ITGA11: variants seen among roughly 807,000 people sequenced by gnomAD.
ITGA11 encodes the protein integrin alpha-11.
ITGA11 carries 97 observed loss-of-function variants against 141.9 expected under a neutral mutation model. That is an observed-to-expected ratio of 0.68 (90% CI 0.58 to 0.81). ITGA11 has a LOEUF of 0.81. ITGA11 is among the 30% of genes least tolerant of loss of function. The pLI is 0.00. For synonymous variants in ITGA11, 658 were observed against 624.6 expected, an observed-to-expected ratio of 1.05 and a Z score of -0.80; for missense variants, 1,387 against 1,559.2, an observed-to-expected ratio of 0.89 and a Z score of 1.86.
At chr15:68,319,936 A>G (rs555886876) in intron 20 of ITGA11, among the ~76,000 whole-genome samples, 122 of 148,610 alleles carry the variant, frequency 8.2e-4, no homozygotes, top group Non-Finnish European at 1.2e-3. Flanking sequence ...CTCTCCTGTG[A>G]TTTTTTTTTT....
chr15:68,307,318 C>G lies in ITGA11; in HGVS notation c.3381+30G>C. 1 of 1,502,286 alleles carries G rather than the reference C, an allele frequency of 6.7e-7. No homozygotes were observed. Among genetic ancestry groups the G allele is most frequent in the Non-Finnish European group, 9.1e-7 (1 of 1,102,740 alleles). 93.1% of individuals were successfully genotyped at this position (1,502,286 alleles called of 1,614,324 possible). A position where few individuals can be genotyped will look rare whatever the true frequency, so the allele number is the denominator to read the frequency against. ...CCTTTCCCAAGCTGTCCGGCCTAAG[C>G]CCAGTTCTGCAGGGCTCCCAGGGGC... On this transcript the variant is annotated intron_variant, in intron 28 of 29. Transcript: ENST00000315757. This position sits in a 1 kb window ranked among gnomAD's most constrained non-coding sequence, Gnocchi z 6.1.
rs947899708 is a variant in ITGA11, at chr15:68,321,911, C to CA, written c.2323-409dup. Among the ~76,000 whole-genome samples, 11 of 152,076 alleles carry CA rather than the reference C, an allele frequency of 7.2e-5. No individual in the cohort carries two copies. Among genetic ancestry groups the CA allele is most frequent in the South Asian group, 4.2e-4 (2 of 4,808 alleles). Reference sequence around the variant, plus strand: ...GAACAAATCACTAGTGTAAAATGTGCAAAAAAACCGAAAAGAAATGTGCAT... The same window carrying CA: ...GAACAAATCACTAGTGTAAAATGTGCAAAAAAAACCGAAAAGAAATGTGCAT... On this transcript the variant is annotated intron_variant, in intron 18 of 29. Transcript: ENST00000315757. The surrounding 1 kb of genome is among the most constrained non-coding windows in gnomAD (Gnocchi z 4.9).
chr15:68,406,319 C>T (rs369032255), intron 1 of ITGA11, among the ~76,000 whole-genome samples: 31 of 152,128 alleles, frequency 2.0e-4, no homozygotes, highest in Non-Finnish European at 3.5e-4. Flanking sequence ...ATAATCTCAC[C>T]GCATTCACTC....
chr15:68,355,321 A>G (rs887621063), intron 7 of ITGA11, among the ~76,000 whole-genome samples: 7 of 152,260 alleles, frequency 4.6e-5, no homozygotes, highest in Admixed American at 3.3e-4. Context: ...AAGCTTGAGC[A>G]AGTTTTATCA....
In ITGA11 at chr15:68,303,244, C is replaced by A. The variant is rs915329084; in HGVS notation, c.3496-114G>T. On this transcript the variant is annotated intron_variant, in intron 29 of 29. Transcript: ENST00000315757. This position sits in a 1 kb window ranked among gnomAD's most constrained non-coding sequence, Gnocchi z 5.3. ...TCCTCCCTCAGGGCTTCCTTGAGTA[C>A]CCCCAGCTCATTCTGAGCACCCCCT... 2.2e-5 allele frequency: 19 copies of A among 860,202 alleles called. No homozygotes were observed. The Admixed American group carries it at 3.7e-4, about 17-fold the overall frequency. The allele number at this position is 860,202 out of a possible 1,614,324, so 53.3% of individuals were successfully genotyped here.
intron 6 of ITGA11, among the ~76,000 whole-genome samples, 160 bp downstream of exon 6, chr15:68,358,298 C>G (rs1655687516): frequency 6.6e-6 from 1 of 152,198 alleles, no homozygotes; most frequent in African/African-American, 2.4e-5. Context: ...AGAGGAGTGT[C>G]CTGAGCTGCA....
In ITGA11 at chr15:68,325,893, C is replaced by T. The variant is rs1358629392; in HGVS notation, c.2212-652G>A. Among the ~76,000 whole-genome samples the T allele has an allele frequency of 1.3e-5, 2 of 152,252 alleles. No individual in the cohort carries two copies. The highest frequency in any genetic ancestry group is 3.8e-4 in the East Asian group (2 of 5,202). ...GTCAAACCTGAGCTGGCACCAGAGT[C>T]CCCTGGGAGCTTGTTAAAACACAGG... On this transcript the variant is annotated intron_variant, in intron 17 of 29. Coordinates refer to ENST00000315757, the MANE Select transcript of ITGA11 (RefSeq NM_001004439.2). This position sits in a 1 kb window ranked among gnomAD's most constrained non-coding sequence, Gnocchi z 5.5.
At chr15:68,357,542 T>G (rs973701495) in intron 6 of ITGA11, among the ~76,000 whole-genome samples, 4 of 152,166 alleles carry the variant, frequency 2.6e-5, no homozygotes, top group African/African-American at 9.7e-5. Flanking sequence ...ACTTCGTGAT[T>G]GAAAGAAAGG....
At position 68,302,762 on chromosome 15, in the gene ITGA11, C is replaced by A; in HGVS notation, c.*297G>T. 1 of 353,052 alleles carries A rather than the reference C, an allele frequency of 2.8e-6. No individual in the cohort carries two copies. Among genetic ancestry groups the A allele is most frequent in the Non-Finnish European group, 5.1e-6 (1 of 197,104 alleles). The allele number at this position is 353,052 out of a possible 1,614,324, so 21.9% of individuals were successfully genotyped here. A position where few individuals can be genotyped will look rare whatever the true frequency, so the allele number is the denominator to read the frequency against. Reference sequence around the variant, plus strand: ...ACCTTAGTAGCTGGGGCAGCAAATGCCCTCCACAGAGCCTGAGGGAGGCCT... The same window carrying A: ...ACCTTAGTAGCTGGGGCAGCAAATGACCTCCACAGAGCCTGAGGGAGGCCT... On this transcript the variant is annotated 3_prime_UTR_variant, in exon 30 of 30. Transcript: ENST00000315757.
At chr15:68,314,823 C>T (rs1298363513) in intron 22 of ITGA11, among the ~76,000 whole-genome samples, 2 of 152,148 alleles carry the variant, frequency 1.3e-5, no homozygotes, top group African/African-American at 2.4e-5. Context: ...GAGTCCCCAG[C>T]GCTTATGTGA....
At chr15:68,311,615 G>T (rs1893389449) in intron 24 of ITGA11, among the ~76,000 whole-genome samples, 1 of 152,190 alleles carries the variant, frequency 6.6e-6, no homozygotes, top group Admixed American at 6.5e-5. Flanking sequence ...AGAAAGCCCT[G>T]AGAGGGGATG....
chr15:68,320,290 T>C lies in ITGA11; in HGVS notation c.2511A>G (p.Arg837=). 6.2e-7 allele frequency: 1 copy of C among 1,613,982 alleles called. No homozygotes were observed. Among genetic ancestry groups the C allele is most frequent in the East Asian group, 2.2e-5 (1 of 44,888 alleles). The change falls in exon 20 of 30, where the codon CGA becomes CGG. Residue 837 remains arginine, a synonymous_variant. Coordinates refer to ENST00000315757, the MANE Select transcript of ITGA11 (RefSeq NM_001004439.2). ...TCTCCAGTGTGGCCTCCACCGCCACTCGCTGGCGTGTGCTCTCTATGATGA... is the reference window on the plus strand; with the variant it reads ...TCTCCAGTGTGGCCTCCACCGCCACCCGCTGGCGTGTGCTCTCTATGATGA... ...TVFIIESTRQ[R]VAVEATLENR...
intron 2 of ITGA11, among the ~76,000 whole-genome samples, chr15:68,373,132 C>A (rs1895638662): frequency 6.6e-6 from 1 of 152,110 alleles, no homozygotes; most frequent in African/African-American, 2.4e-5. Context: ...CTTTAAAATC[C>A]AGCATAAATT....
At chr15:68,378,114 A>G (rs1895772811) in intron 2 of ITGA11, among the ~76,000 whole-genome samples, 1 of 152,202 alleles carries the variant, frequency 6.6e-6, no homozygotes, top group Admixed American at 6.5e-5. Flanking sequence ...TCCCCCAATT[A>G]TTGAGAGAGA....
chr15:68,371,413 A>G (rs1006742132), intron 2 of ITGA11, among the ~76,000 whole-genome samples: 1 of 152,092 alleles, frequency 6.6e-6, no homozygotes, highest in Non-Finnish European at 1.5e-5. Context: ...CATGTTCTAG[A>G]TTAGAAAAGC....
chr15:68,416,190 CA>C (rs1336009247), intron 1 of ITGA11, among the ~76,000 whole-genome samples: 1 of 152,232 alleles, frequency 6.6e-6, no homozygotes, highest in African/African-American at 2.4e-5. Flanking sequence ...CTTATCACAA[CA>C]GCCTCCCCTC....
chr15:68,400,598 A>C (rs1291288823), intron 2 of ITGA11, among the ~76,000 whole-genome samples: 8 of 103,906 alleles, frequency 7.7e-5, no homozygotes, highest in Admixed American at 3.3e-4. Context: ...TATATATTAT[A>C]TATTATAATA....
intron 8 of ITGA11, 120 bp from the exon 9 acceptor site, chr15:68,350,902 G>C (rs1894889122): frequency 2.0e-6 from 2 of 978,750 alleles, no homozygotes; most frequent in Non-Finnish European, 3.1e-6. Flanking sequence ...GTAGCCATGA[G>C]AGTTCCTCGC....
rs2140254839 is a variant in ITGA11 at position 68,301,598 on chromosome 15, A to AG, written c.*1460dup. ...TGAGTCCCTTCTGACATGTAGAGGT[A>AG]GGGGGGAGGAAGCAAGGAACTCCCT... On this transcript the variant is annotated 3_prime_UTR_variant, in exon 30 of 30. Transcript: ENST00000315757. The surrounding 1 kb of genome is among the most constrained non-coding windows in gnomAD (Gnocchi z 4.4). The AG allele has an allele frequency of 6.6e-6, 1 of 152,316 alleles. No individual in the cohort carries two copies. Among genetic ancestry groups the AG allele is most frequent in the South Asian group, 2.1e-4 (1 of 4,830 alleles). The allele number at this position is 152,316 out of a possible 1,614,324, so 9.4% of individuals were successfully genotyped here. A position where few individuals can be genotyped will look rare whatever the true frequency, so the allele number is the denominator to read the frequency against.
Sources: allele counts gnomAD v4.1 joint callset (sites outside exome capture counted in the v4.1 genomes callset), GRCh38; gene constraint gnomAD v4.1.1; non-coding constraint Gnocchi (gnomAD v3.1); transcripts MANE v1.5; gene names NCBI Gene and HGNC (gene_info 2026-07-23, HGNC 2026-07-21).